Variants in CPAMD8 observed in about 807,000 individuals in gnomAD.
CPAMD8 encodes the protein C3 and PZP like alpha-2-macroglobulin domain containing 8.
In CPAMD8, 146 loss-of-function variants were observed where a neutral mutation model predicts 224.7. The ratio of observed to expected loss-of-function variants is 0.65; its 90% CI spans 0.57 to 0.75. The LOEUF (loss-of-function observed/expected upper bound fraction) is 0.75. Among genes scored for constraint, CPAMD8 ranks in the 30% least tolerant of loss-of-function variants. The pLI is 0.00. For missense variants in CPAMD8, 2,301 were observed against 2,537.5 expected (o/e 0.91, Z 2.00); for synonymous variants, 966 against 1,044.6 (o/e 0.92, Z 1.45).
chr19:16,895,798 G>A, intron 41 of CPAMD8: 1 of 434,728 alleles, frequency 2.3e-6, no homozygotes, highest in South Asian at 1.6e-5. Flanking sequence ...ACTATATAAT[G>A]CAAGCATTCT....
rs142848458 is a variant in CPAMD8 at position 16,998,665 on chromosome 19, C to T, written c.868-1327G>A. Among the ~76,000 whole-genome samples the T allele has an allele frequency of 5.1e-3, 774 of 152,188 alleles. 5 individuals carry two copies. Among genetic ancestry groups the T allele is most frequent in the South Asian group, 0.012 (59 of 4,818 alleles). On this transcript the variant is annotated intron_variant, in intron 10 of 41. Transcript: ENST00000443236. ...TCCAGGAAGGTGGGTGTCTGTTGTA[C>T]TGTAGCCCACTCACAATGTAACATT...
chr19:16,903,686 T>A lies in CPAMD8; in HGVS notation c.4407+16A>T, dbSNP rs1373339046. The A allele has an allele frequency of 6.2e-7, 1 of 1,613,992 alleles. No homozygotes were observed. The highest frequency in any genetic ancestry group is 1.7e-5 in the Admixed American group (1 of 60,002). ...TCCTCCAACAACCCCCAAACCCTCA[T>A]CCCAGGAACACGCACCGCTGCTGTC... is the stretch of plus-strand genomic sequence containing the variant. On this transcript the variant is annotated intron_variant, in intron 33 of 41. Transcript: ENST00000443236.
chr19:16,928,717 CT>C (rs1164512573), intron 24 of CPAMD8, among the ~76,000 whole-genome samples: 1 of 151,840 alleles, frequency 6.6e-6, no homozygotes, highest in African/African-American at 2.4e-5. Context: ...CCTACCTCCT[CT>C]CTCTGCTCCC....
intron 16 of CPAMD8, 98 bp downstream of exon 16, chr19:16,975,904 C>T (rs2055249338): frequency 5.6e-6 from 7 of 1,254,330 alleles, no homozygotes; most frequent in Middle Eastern, 3.0e-4. Flanking sequence ...GATTCAAATG[C>T]CACTCTTCAT....
At chr19:16,938,076 C>T (rs556012803) in intron 23 of CPAMD8, among the ~76,000 whole-genome samples, 2 of 152,342 alleles carry the variant, frequency 1.3e-5, no homozygotes, top group African/African-American at 2.4e-5. Flanking sequence ...TGTGAGCCAC[C>T]GTGCCCGGGC....
chr19:16,926,253 G>A (rs1356395494), intron 25 of CPAMD8, among the ~76,000 whole-genome samples: 1 of 151,754 alleles, frequency 6.6e-6, no homozygotes, highest in Non-Finnish European at 1.5e-5. Flanking sequence ...AAATATTTCT[G>A]ATGGACCCCC....
intron 20 of CPAMD8, among the ~76,000 whole-genome samples, chr19:16,951,527 G>A (rs1161523834): frequency 6.6e-6 from 1 of 152,138 alleles, no homozygotes; most frequent in Non-Finnish European, 1.5e-5. Flanking sequence ...TTGAGTCGCT[G>A]CCACAGGGAT....
intron 26 of CPAMD8, among the ~76,000 whole-genome samples, chr19:16,923,425 G>T (rs190569058): frequency 6.8e-4 from 104 of 152,242 alleles, no homozygotes; most frequent in Non-Finnish European, 1.2e-3. Flanking sequence ...CGAATCTGAG[G>T]GCACCACTGT....
intron 29 of CPAMD8, among the ~76,000 whole-genome samples, chr19:16,914,210 C>T (rs2052841776): frequency 6.6e-6 from 1 of 152,038 alleles, no homozygotes; most frequent in African/African-American, 2.4e-5. Context: ...TGCCCAATTT[C>T]CCCCTAGTAG....
chr19:17,006,490 T>C (rs1486151180), intron 7 of CPAMD8, among the ~76,000 whole-genome samples: 1 of 149,822 alleles, frequency 6.7e-6, no homozygotes, highest in Non-Finnish European at 1.5e-5. Context: ...ACCACTGCAC[T>C]CCAGCCTAGG....
At chr19:17,021,140 C>A (rs2056944127) in intron 2 of CPAMD8, among the ~76,000 whole-genome samples, 1 of 152,222 alleles carries the variant, frequency 6.6e-6, no homozygotes, top group African/African-American at 2.4e-5. Context: ...CTTTATCCAG[C>A]CATCTTGGGA....
At chr19:16,903,256 G>T (rs894935267) in intron 34 of CPAMD8, among the ~76,000 whole-genome samples, 1 of 151,944 alleles carries the variant, frequency 6.6e-6, no homozygotes, top group Non-Finnish European at 1.5e-5. Flanking sequence ...CTGGTCTGGG[G>T]CTAAATCCAG....
chr19:16,902,390 A>G (rs1407883904), intron 35 of CPAMD8, among the ~76,000 whole-genome samples: 2 of 152,002 alleles, frequency 1.3e-5, no homozygotes, highest in African/African-American at 4.8e-5. Flanking sequence ...GATGGCGGGC[A>G]CCTGTAGTCC....
intron 12 of CPAMD8, among the ~76,000 whole-genome samples, chr19:16,991,892 A>C (rs1216874162): frequency 6.6e-6 from 1 of 151,392 alleles, no homozygotes; most frequent in Non-Finnish European, 1.5e-5. Context: ...CCAGGTGACC[A>C]AACAGCTGTG....
In CPAMD8 at chr19:16,980,319, C is replaced by T. The variant is rs11880273; in HGVS notation, c.1585+178G>A. On this transcript the variant is annotated intron_variant, in intron 14 of 41. Coordinates refer to ENST00000443236, the MANE Select transcript of CPAMD8 (RefSeq NM_015692.5). ...GGGGCCTGAACCTCTCCACTTCCAG[C>T]AGCTGATCACTGTCTTCCTGGACCC... Among the ~76,000 whole-genome samples, 10,387 of 152,204 alleles carry T rather than the reference C, an allele frequency of 0.068. 781 individuals carry two copies. The highest frequency in any genetic ancestry group is 0.19 in the African/African-American group (8,044 of 41,492).
intron 7 of CPAMD8, among the ~76,000 whole-genome samples, chr19:17,006,546 C>A (rs2056497927): frequency 6.7e-6 from 1 of 150,336 alleles, no homozygotes; most frequent in African/African-American, 2.4e-5. Context: ...AAAAAAAAAA[C>A]TTTTTAAAAA....
intron 40 of CPAMD8, 47 bp downstream of exon 40, chr19:16,896,409 C>T (rs2144681593): frequency 6.7e-7 from 1 of 1,493,370 alleles, no homozygotes. Flanking sequence ...TGGCCCAGAG[C>T]AGCAGCGATG....
intron 1 of CPAMD8, among the ~76,000 whole-genome samples, chr19:17,026,187 CG>C (rs1230622318): frequency 1.3e-5 from 2 of 152,230 alleles, no homozygotes; most frequent in Non-Finnish European, 2.9e-5. Flanking sequence ...CGCCCACCCA[CG>C]GGAAAGTGCC....
At chr19:16,897,620 C>T in intron 39 of CPAMD8, 71 bp downstream of exon 39, 4 of 873,202 alleles carry the variant, frequency 4.6e-6, no homozygotes, top group Non-Finnish European at 6.9e-6. Flanking sequence ...GGAGCCCTCC[C>T]TGGCGTCCGA....
Sources: allele counts gnomAD v4.1 joint callset (sites outside exome capture counted in the v4.1 genomes callset), GRCh38; gene constraint gnomAD v4.1.1; transcripts MANE v1.5; gene names NCBI Gene and HGNC (gene_info 2026-07-23, HGNC 2026-07-21).